The following R3HCC1L variants were observed in gnomAD, a reference collection of about 807,000 sequenced individuals.
R3HCC1L encodes the protein R3H domain and coiled-coil containing 1 like.
Under a neutral mutation model 59.9 loss-of-function variants are expected in R3HCC1L, and 51 were observed. The observed-to-expected ratio is 0.85, with a 90% CI of 0.68 to 1.07. R3HCC1L has a LOEUF of 1.07. Ranked by LOEUF, R3HCC1L falls within the 50% of genes least tolerant of loss-of-function variation. The pLI, the probability that R3HCC1L is intolerant of heterozygous loss-of-function variation, is 0.00. For synonymous variants in R3HCC1L, 322 were observed against 315.2 expected (o/e 1.02, Z -0.23); for missense variants, 965 against 933.0 (o/e 1.03, Z -0.45).
At chr10:98,186,590 T>C (rs1231766958) in intron 4 of R3HCC1L, 35 of 839,160 alleles carry the variant, frequency 4.2e-5, no homozygotes, top group Non-Finnish European at 4.7e-5. Context: ...CTAACAGTTG[T>C]GACAAGTTTT....
intron 1 of R3HCC1L, among the ~76,000 whole-genome samples, chr10:98,150,943 A>T: frequency 6.6e-6 from 1 of 151,850 alleles, no homozygotes; most frequent in East Asian, 1.9e-4. Flanking sequence ...TGTCCACCTT[A>T]TTCTCTTTTT....
intron 5 of R3HCC1L, among the ~76,000 whole-genome samples, chr10:98,218,510 C>G (rs1222850536): frequency 6.6e-6 from 1 of 152,010 alleles, no homozygotes; most frequent in African/African-American, 2.4e-5. Context: ...TTCATTGATA[C>G]TTTGTATTTT....
intron 9 of R3HCC1L, among the ~76,000 whole-genome samples, chr10:98,237,774 G>C (rs1303819464): frequency 6.6e-6 from 1 of 152,146 alleles, no homozygotes; most frequent in Non-Finnish European, 1.5e-5. Flanking sequence ...GCATCTGGAA[G>C]ATTTCCTGAT....
At chr10:98,239,597 T>C (rs2135744142) in intron 9 of R3HCC1L, among the ~76,000 whole-genome samples, 1 of 152,348 alleles carries the variant, frequency 6.6e-6, no homozygotes, top group Admixed American at 6.5e-5. Flanking sequence ...TCCATGTTTT[T>C]CTTTATAAAA....
intron 5 of R3HCC1L, among the ~76,000 whole-genome samples, chr10:98,222,545 A>G (rs200473420): frequency 6.6e-6 from 1 of 152,080 alleles, no homozygotes; most frequent in African/African-American, 2.4e-5. Flanking sequence ...TTATTTTGAA[A>G]TACGTCCCAT....
intron 4 of R3HCC1L, among the ~76,000 whole-genome samples, chr10:98,177,348 A>G (rs1416996560): frequency 6.6e-6 from 1 of 152,174 alleles, no homozygotes; most frequent in African/African-American, 2.4e-5. Context: ...CGTCCCTACA[A>G]AGGACATGAA....
At chr10:98,187,871 G>A (rs1850393363) in intron 4 of R3HCC1L, among the ~76,000 whole-genome samples, 1 of 151,540 alleles carries the variant, frequency 6.6e-6, no homozygotes, top group Non-Finnish European at 1.5e-5. Flanking sequence ...TAAGTAGGTA[G>A]GGCTACAGAT....
In R3HCC1L at chr10:98,137,914, A is replaced by G. The variant is rs186337426; in HGVS notation, c.-268+3208A>G. 1.1e-4 allele frequency among the ~76,000 whole-genome samples: 16 copies of G among 152,094 alleles called. No individual in the cohort carries two copies. In the East Asian group the frequency reaches 2.5e-3, roughly 24 times the overall value. ...ATTTTTATTTTTTTTAAGCCAGACTATTAGACTTTAAAATTTAAGCTTATT... is the reference window on the plus strand; with the variant it reads ...ATTTTTATTTTTTTTAAGCCAGACTGTTAGACTTTAAAATTTAAGCTTATT... On this transcript the variant is annotated intron_variant, in intron 1 of 9. Transcript: ENST00000298999.
At chr10:98,218,778 G>A (rs1182407586) in intron 5 of R3HCC1L, among the ~76,000 whole-genome samples, 1 of 152,114 alleles carries the variant, frequency 6.6e-6, no homozygotes, top group Non-Finnish European at 1.5e-5. Flanking sequence ...GGATGTTGAA[G>A]CCCCCAGCTA....
intron 1 of R3HCC1L, among the ~76,000 whole-genome samples, chr10:98,135,282 A>G (rs1260471368): frequency 6.6e-6 from 1 of 152,236 alleles, no homozygotes; most frequent in African/African-American, 2.4e-5. Context: ...GTGTACGGGA[A>G]GGAGCACAGG....
At chr10:98,171,673 G>C (rs1441590297) in intron 4 of R3HCC1L, among the ~76,000 whole-genome samples, 2 of 152,196 alleles carry the variant, frequency 1.3e-5, no homozygotes, top group Non-Finnish European at 2.9e-5. Context: ...GTCATTTGGG[G>C]ATAAGTAAGC....
intron 1 of R3HCC1L, among the ~76,000 whole-genome samples, chr10:98,140,981 A>C (rs1845078394): frequency 6.6e-6 from 1 of 152,128 alleles, no homozygotes; most frequent in Non-Finnish European, 1.5e-5. Context: ...TAATCTCACA[A>C]TCTAAACATA....
intron 5 of R3HCC1L, 64 bp from the exon 6 acceptor site, chr10:98,231,448 G>A: frequency 7.1e-7 from 1 of 1,408,554 alleles, no homozygotes; most frequent in East Asian, 2.3e-5. Context: ...TTTATATATA[G>A]GAATATATTT....
intron 2 of R3HCC1L, among the ~76,000 whole-genome samples, chr10:98,161,664 A>C (rs558387967): frequency 6.6e-6 from 1 of 152,300 alleles, no homozygotes; most frequent in African/African-American, 2.4e-5. Flanking sequence ...GTTTCTTTAA[A>C]AATGAATAAA....
intron 5 of R3HCC1L, among the ~76,000 whole-genome samples, chr10:98,222,288 G>A (rs1433079593): frequency 1.3e-5 from 2 of 151,832 alleles, no homozygotes; most frequent in African/African-American, 2.4e-5. Context: ...GGCTGAGACA[G>A]TGGGGTTTTC....
intron 1 of R3HCC1L, among the ~76,000 whole-genome samples, chr10:98,139,069 G>A (rs1008228567): frequency 1.4e-4 from 21 of 152,236 alleles, no homozygotes; most frequent in African/African-American, 5.1e-4. Flanking sequence ...GGTTAAGGTT[G>A]TTGACTGTGA....
At chr10:98,141,103 A>G (rs960571877) in intron 1 of R3HCC1L, among the ~76,000 whole-genome samples, 2 of 152,224 alleles carry the variant, frequency 1.3e-5, no homozygotes, top group East Asian at 1.9e-4. Flanking sequence ...TTATAAGTCC[A>G]AAATGATGCT....
intron 4 of R3HCC1L, among the ~76,000 whole-genome samples, chr10:98,203,744 G>A (rs1852303989): frequency 6.6e-6 from 1 of 152,186 alleles, no homozygotes; most frequent in Non-Finnish European, 1.5e-5. Flanking sequence ...TTCTCATGAA[G>A]ATGAATCAGA....
intron 5 of R3HCC1L, among the ~76,000 whole-genome samples, chr10:98,225,420 T>C (rs1343668975): frequency 1.3e-5 from 2 of 152,226 alleles, no homozygotes; most frequent in Non-Finnish European, 2.9e-5. Flanking sequence ...CTTGCATGTT[T>C]TGCTGAGATT....
Sources: allele counts gnomAD v4.1 joint callset (sites outside exome capture counted in the v4.1 genomes callset), GRCh38; gene constraint gnomAD v4.1.1; transcripts MANE v1.5; gene names NCBI Gene and HGNC (gene_info 2026-07-23, HGNC 2026-07-21).